The following UPP2 variants were observed in gnomAD, a reference collection of about 807,000 sequenced individuals.
The protein encoded by UPP2 is uridine phosphorylase 2, also known as UPase 2.
In UPP2, 23 loss-of-function variants were observed where a neutral mutation model predicts 26.7. The ratio of observed to expected loss-of-function variants is 0.86; its 90% CI spans 0.62 to 1.22. The LOEUF (loss-of-function observed/expected upper bound fraction) is 1.22. Among genes scored for constraint, UPP2 ranks in the 50% most tolerant of loss-of-function variants. The pLI, the probability that UPP2 is intolerant of heterozygous loss-of-function variation, is 0.00. For missense variants in UPP2, 387 were observed against 396.7 expected, an observed-to-expected ratio of 0.98 and a Z score of 0.21; for synonymous variants, 127 against 141.3, an observed-to-expected ratio of 0.90 and a Z score of 0.72.
intron 2 of UPP2, among the ~76,000 whole-genome samples, chr2:158,004,687 TAAC>T (rs1227989922): frequency 6.6e-6 from 1 of 152,210 alleles, no homozygotes; most frequent in Non-Finnish European, 1.5e-5. Context: ...CCTCAGTTAA[TAAC>T]AAATTAACAT....
At chr2:158,106,903 T>G (rs1451179622) in intron 2 of UPP2, among the ~76,000 whole-genome samples, 2 of 152,246 alleles carry the variant, frequency 1.3e-5, no homozygotes, top group Non-Finnish European at 2.9e-5. Context: ...TTTTAATGAA[T>G]AGACTTTAAA....
At chr2:158,019,952 A>C (rs1483648845) in intron 3 of UPP2, among the ~76,000 whole-genome samples, 4 of 152,216 alleles carry the variant, frequency 2.6e-5, no homozygotes, top group Admixed American at 6.5e-5. Context: ...TAAAAATAAA[A>C]TAAAACATTT....
intron 3 of UPP2, among the ~76,000 whole-genome samples, chr2:158,070,956 G>T (rs553619357): frequency 2.0e-5 from 3 of 152,202 alleles, no homozygotes; most frequent in Non-Finnish European, 4.4e-5. Flanking sequence ...CTCAGCCATT[G>T]CCTGCCCACA....
chr2:158,098,879 G>A (rs7603318), upstream of UPP2, among the ~76,000 whole-genome samples: 3,964 of 152,184 alleles, frequency 0.026, 172 homozygotes, highest in African/African-American at 0.087. Flanking sequence ...TTCTTTGCAC[G>A]TATATGTAAT....
At chr2:158,096,966 C>T (rs1196174228), upstream of UPP2, among the ~76,000 whole-genome samples, 1 of 151,936 alleles carries the variant, frequency 6.6e-6, no homozygotes, top group Admixed American at 6.5e-5. Context: ...TTCAACTGTA[C>T]ATGGATTAAT....
chr2:158,068,702 T>C (rs1363206732), intron 3 of UPP2, among the ~76,000 whole-genome samples: 2 of 141,590 alleles, frequency 1.4e-5, no homozygotes, highest in Non-Finnish European at 1.5e-5. Flanking sequence ...TAAGATCCTA[T>C]GGAGTTACTG....
At chr2:158,120,167 G>A (rs1683534492) in intron 4 of UPP2, among the ~76,000 whole-genome samples, 1 of 151,978 alleles carries the variant, frequency 6.6e-6, no homozygotes, top group African/African-American at 2.4e-5. Flanking sequence ...CCACCCTGAA[G>A]GATAAGTCTA....
chr2:158,065,881 T>C, intron 3 of UPP2: 1 of 639,292 alleles, frequency 1.6e-6, no homozygotes, highest in Non-Finnish European at 2.9e-6. Context: ...AGAGCTCCAG[T>C]ACTTGTTGCC....
Position 158,115,127 on chromosome 2 carries a change from C to T in UPP2, c.207C>T (p.Asn69=), listed in dbSNP as rs774501609. ...VKFVCVGGSP[N]RMKAFALFMH... ...TTGTCTGTGTCGGTGGGAGCCCCAA[C>T]AGAATGAAAGCATTTGCACTGTTTA... The change falls in exon 3 of 7, where the codon AAC becomes AAT. Residue 69 remains asparagine, a synonymous_variant. Coordinates refer to ENST00000005756, the MANE Select transcript of UPP2 (RefSeq NM_173355.4). 6.2e-7 allele frequency: 1 copy of T among 1,610,086 alleles called. No individual in the cohort carries two copies. Among genetic ancestry groups the T allele is most frequent in the Non-Finnish European group, 8.5e-7 (1 of 1,178,460 alleles).
chr2:158,095,669 T>G (rs1682974132), intron 3 of UPP2, among the ~76,000 whole-genome samples: 1 of 152,164 alleles, frequency 6.6e-6, no homozygotes, highest in Non-Finnish European at 1.5e-5. Context: ...GAAATAATAA[T>G]ACCTATCTCA....
rs548139067 is a variant in UPP2 at position 158,092,082 on chromosome 2, C to T, written c.148-9958C>T. Reference sequence around the variant, plus strand: ...CTGAGAAAATTTCTCATTTTATTGCCGAGAGACAAATTGAATGTATAAAAG... The same window carrying T: ...CTGAGAAAATTTCTCATTTTATTGCTGAGAGACAAATTGAATGTATAAAAG... On this transcript the variant is annotated intron_variant, in intron 3 of 9. Transcript: ENST00000605860. Among the ~76,000 whole-genome samples the T allele has an allele frequency of 6.4e-4, 98 of 151,970 alleles. 2 individuals are homozygous for T. Among genetic ancestry groups the T allele is most frequent in the Non-Finnish European group, 6.5e-4 (44 of 67,948 alleles).
At chr2:158,109,406 T>C (rs967382868) in intron 2 of UPP2, among the ~76,000 whole-genome samples, 3 of 152,126 alleles carry the variant, frequency 2.0e-5, no homozygotes, top group African/African-American at 7.2e-5. Context: ...AGGTACAAGG[T>C]GGGAGTTCTT....
rs576307640 is a variant in UPP2, at chr2:158,033,110, A to T, written c.147+17224A>T. ...AGGCAACACCCAGCTATTAGAACTC[A>T]AACTTCAGAGCTCTACCTAAATTCT... is the stretch of plus-strand genomic sequence containing the variant. On this transcript the variant is annotated intron_variant, in intron 3 of 9. Transcript: ENST00000605860. Among the ~76,000 whole-genome samples, 6 of 152,302 alleles carry T rather than the reference A, an allele frequency of 3.9e-5. No homozygotes were observed. The East Asian group carries it at 1.2e-3, about 29-fold the overall frequency.
intron 6 of UPP2, among the ~76,000 whole-genome samples, chr2:158,130,449 T>TCA (rs1553471658): frequency 2.0e-5 from 1 of 50,602 alleles, no homozygotes; most frequent in African/African-American, 1.0e-4. Flanking sequence ...AGAATCCGTC[T>TCA]CAAAAAAAAA....
chr2:158,089,003 T>C (rs573876283), intron 3 of UPP2, among the ~76,000 whole-genome samples: 1 of 152,224 alleles, frequency 6.6e-6, no homozygotes, highest in Non-Finnish European at 1.5e-5. Context: ...TTAGCTGTGA[T>C]AGTGTAGGGA....
At chr2:158,076,108 T>G (rs540572110) in intron 3 of UPP2, among the ~76,000 whole-genome samples, 1 of 151,920 alleles carries the variant, frequency 6.6e-6, no homozygotes, top group South Asian at 2.1e-4. Flanking sequence ...ATATACCACC[T>G]AACAAGATTG....
At chr2:158,012,037 ATC>A (rs1231660118) in intron 2 of UPP2, among the ~76,000 whole-genome samples, 4 of 152,042 alleles carry the variant, frequency 2.6e-5, no homozygotes, top group Non-Finnish European at 5.9e-5. Flanking sequence ...CTCAGTGAGC[ATC>A]TTTTTTATCC....
At position 157,995,482 on chromosome 2, in the gene UPP2, C is replaced by T. The variant is rs1468623858; in HGVS notation, c.61+223C>T. On this transcript the variant is annotated intron_variant, in intron 2 of 9. Coordinates refer to the UPP2 transcript ENST00000605860. ...CTGAAATTCAGGTAGCTACTACAGA[C>T]GATGGAAGAGGTTATTTTAGAAAAA... 2.6e-5 allele frequency among the ~76,000 whole-genome samples: 4 copies of T among 152,134 alleles called. No individual in the cohort carries two copies. The South Asian group carries it at 6.2e-4, about 24-fold the overall frequency.
intron 3 of UPP2, among the ~76,000 whole-genome samples, chr2:158,069,091 A>G (rs1003322589): frequency 6.6e-6 from 1 of 151,800 alleles, no homozygotes; most frequent in Admixed American, 6.6e-5. Context: ...GATTACAGGC[A>G]CGATCAAACT....
Sources: allele counts gnomAD v4.1 joint callset (sites outside exome capture counted in the v4.1 genomes callset), GRCh38; gene constraint gnomAD v4.1.1; transcripts MANE v1.5; gene names NCBI Gene and HGNC (gene_info 2026-07-23, HGNC 2026-07-21).